Variants in RMST observed in about 807,000 individuals in gnomAD.
RMST encodes long intergenic non-protein coding RNA 54.
At chr12:97,528,553 G>A (rs73386718) in intron 10 of RMST, among the ~76,000 whole-genome samples, 8,022 of 152,054 alleles carry the variant, frequency 0.053, 458 homozygotes, top group African/African-American at 0.14. Context: ...CATTTTCATA[G>A]GAACAAATAG....
chr12:97,503,042 A>T (rs1000103282), intron 10 of RMST, among the ~76,000 whole-genome samples: 2 of 152,158 alleles, frequency 1.3e-5, no homozygotes, highest in African/African-American at 2.4e-5. Context: ...TGTCTGGGCA[A>T]TAGCTAAAAG....
chr12:97,512,170 T>C (rs995578916), intron 10 of RMST, among the ~76,000 whole-genome samples: 1 of 151,980 alleles, frequency 6.6e-6, no homozygotes, highest in Non-Finnish European at 1.5e-5. Context: ...AGCTGCAGAC[T>C]TTCGCAGCGA....
chr12:97,536,087 T>C lies in RMST; in HGVS notation n.1545+5228T>C, dbSNP rs572403351. 5.9e-5 allele frequency among the ~76,000 whole-genome samples: 9 copies of C among 151,672 alleles called. No homozygotes were observed. The South Asian group carries it at 1.9e-3, about 31-fold the overall frequency. On this transcript the variant is annotated intron_variant and non_coding_transcript_variant, in intron 11 of 13. Coordinates refer to ENST00000640149, the Ensembl canonical transcript of RMST. Reference sequence around the variant, plus strand: ...CATATGGTTTCTTTGGTGTGAGCAGTTTGACAACCTGTTGATAAATGTGTC... The same window carrying C: ...CATATGGTTTCTTTGGTGTGAGCAGCTTGACAACCTGTTGATAAATGTGTC...
exon 3 of RMST, chr12:97,462,855 G>A (rs777382728): frequency 2.0e-5 from 3 of 152,180 alleles, no homozygotes; most frequent in Middle Eastern, 3.1e-3. Context: ...AAGGTCTGCC[G>A]CTGTCTGCAC....
chr12:97,509,177 A>G (rs1879017903), intron 10 of RMST, among the ~76,000 whole-genome samples: 1 of 152,330 alleles, frequency 6.6e-6, no homozygotes, highest in East Asian at 1.9e-4. Context: ...GTATGGAATA[A>G]TAAAAGATTG....
intron 5 of RMST, among the ~76,000 whole-genome samples, chr12:97,471,062 T>A (rs1461183851): frequency 6.6e-6 from 1 of 152,120 alleles, no homozygotes; most frequent in East Asian, 1.9e-4. Context: ...TCTGCATTTT[T>A]ATGAACACGC....
intron 5 of RMST, among the ~76,000 whole-genome samples, chr12:97,470,240 A>G (rs1873743244): frequency 6.6e-6 from 1 of 152,046 alleles, no homozygotes; most frequent in Non-Finnish European, 1.5e-5. Flanking sequence ...AATGCTCCAC[A>G]TTTTTTACCG....
At chr12:97,464,204 A>G (rs1469328822) in intron 4 of RMST, among the ~76,000 whole-genome samples, 5 of 152,186 alleles carry the variant, frequency 3.3e-5, no homozygotes, top group African/African-American at 1.2e-4. Flanking sequence ...AGTGATTTTT[A>G]TGTTCTTAGT....
intron 11 of RMST, chr12:97,532,645 GTTTTTT>G (rs34556876): frequency 1.5e-4 from 15 of 98,362 alleles, no homozygotes; most frequent in East Asian, 6.6e-4. Flanking sequence ...CTGATGTCCC[GTTTTTT>G]TTTTTTTTTT....
Position 97,470,466 on chromosome 12 carries a change from A to G in RMST, n.644+4739A>G, listed in dbSNP as rs80259230. On this transcript the variant is annotated intron_variant and non_coding_transcript_variant, in intron 5 of 13. Coordinates refer to ENST00000640149, the Ensembl canonical transcript of RMST. ...GGGAGGGAGGAGGAAGAGAATGACA[A>G]TGGAGGAAAGCTTGCAGGGAAGGAG... Among the ~76,000 whole-genome samples, 1,241 of 152,104 alleles carry G rather than the reference A, an allele frequency of 8.2e-3. 16 individuals are homozygous for G. The highest frequency in any genetic ancestry group is 0.027 in the African/African-American group (1,112 of 41,516).
At chr12:97,556,460 A>G (rs953054658) in intron 11 of RMST, among the ~76,000 whole-genome samples, 4 of 152,178 alleles carry the variant, frequency 2.6e-5, no homozygotes, top group African/African-American at 9.7e-5. Context: ...TAACCTCATG[A>G]AAGTGTTGGA....
intron 10 of RMST, among the ~76,000 whole-genome samples, chr12:97,505,109 G>A (rs963329666): frequency 1.3e-5 from 2 of 152,140 alleles, no homozygotes; most frequent in African/African-American, 4.8e-5. Context: ...TTTATACTTT[G>A]AAATAAGTGA....
In RMST at chr12:97,523,254, C is replaced by T. The variant is rs115650553; in HGVS notation, n.1341-7401C>T. ...TGACAAGAAAGGAAATAATAATTATCGCTCTTTTAAAATATCTGAAGATTA... is the reference window on the plus strand; with the variant it reads ...TGACAAGAAAGGAAATAATAATTATTGCTCTTTTAAAATATCTGAAGATTA... On this transcript the variant is annotated intron_variant and non_coding_transcript_variant, in intron 10 of 13. Coordinates refer to ENST00000640149, the Ensembl canonical transcript of RMST. Among the ~76,000 whole-genome samples the T allele has an allele frequency of 2.6e-3, 396 of 152,278 alleles. 1 individual carries two copies. Among genetic ancestry groups the T allele is most frequent in the African/African-American group, 8.9e-3 (370 of 41,558 alleles).
At chr12:97,491,757 A>C (rs1876839492) in intron 5 of RMST, 1 of 303,684 alleles carries the variant, frequency 3.3e-6, no homozygotes, top group African/African-American at 2.1e-5. Flanking sequence ...TTTGAATTAC[A>C]TTATAAATGA....
At chr12:97,502,471 T>C (rs886399095) in intron 10 of RMST, among the ~76,000 whole-genome samples, 5 of 152,106 alleles carry the variant, frequency 3.3e-5, no homozygotes, top group African/African-American at 9.7e-5. Context: ...CTATAATAAA[T>C]GATTTTTTTT....
At chr12:97,483,732 C>T (rs1875741428) in intron 5 of RMST, among the ~76,000 whole-genome samples, 1 of 152,144 alleles carries the variant, frequency 6.6e-6, no homozygotes, top group Non-Finnish European at 1.5e-5. Context: ...TCCTCCCTCC[C>T]CAATTCTACT....
chr12:97,516,298 T>C (rs1879922588), intron 10 of RMST, among the ~76,000 whole-genome samples: 1 of 152,068 alleles, frequency 6.6e-6, no homozygotes, highest in African/African-American at 2.4e-5. Flanking sequence ...AAACCATGGC[T>C]TTGAAAGTAA....
intron 4 of RMST, among the ~76,000 whole-genome samples, chr12:97,463,765 G>GTTTTCAACATA (rs1311636568): frequency 6.6e-6 from 1 of 151,892 alleles, no homozygotes; most frequent in Non-Finnish European, 1.5e-5. Flanking sequence ...AGATTATGAT[G>GTTTTCAACATA]GTATGTTTTC....
chr12:97,555,638 G>C (rs1288482936), intron 11 of RMST, among the ~76,000 whole-genome samples: 2 of 152,148 alleles, frequency 1.3e-5, no homozygotes, highest in Non-Finnish European at 2.9e-5. Context: ...CAAAATAAGA[G>C]AGATTTTCAT....
Sources: gnomAD v4.1 joint callset for allele counts (sites outside exome capture counted in the v4.1 genomes callset) on GRCh38, gnomAD v4.1.1 for gene constraint, MANE v1.5 for transcripts, NCBI Gene and HGNC (gene_info 2026-07-23, HGNC 2026-07-21) for gene names.